ASF1B: variants seen among roughly 807,000 people sequenced by gnomAD.
The protein encoded by ASF1B is histone chaperone ASF1B.
ASF1B carries 10 observed loss-of-function variants against 16.6 expected under a neutral mutation model. The ratio of observed to expected loss-of-function variants is 0.60; its 90% CI spans 0.37 to 1.02. The LOEUF (loss-of-function observed/expected upper bound fraction) is 1.02, where lower values mean the gene tolerates loss of function less well. Among genes scored for constraint, ASF1B ranks in the 50% least tolerant of loss-of-function variants. The probability of loss-of-function intolerance (pLI) is 0.01; values close to 1 mark genes in which losing one functional copy is unlikely to be tolerated. For missense variants in ASF1B, 240 were observed against 266.0 expected, an observed-to-expected ratio of 0.90 and a Z score of 0.68; for synonymous variants, 101 against 106.2, an observed-to-expected ratio of 0.95 and a Z score of 0.30.
chr19:14,129,953 T>C (rs916059276), intron 1 of ASF1B, among the ~76,000 whole-genome samples: 1 of 148,776 alleles, frequency 6.7e-6, no homozygotes, highest in Non-Finnish European at 1.5e-5. Flanking sequence ...TGCAGTGAAC[T>C]GAGATCGTGC....
chr19:14,120,630 C>T lies in ASF1B; in HGVS notation c.438G>A (p.Val146=), dbSNP rs141700566. The change falls in exon 4 of 4, where the codon GTG becomes GTA. Residue 146 remains valine, a synonymous_variant. Transcript: ENST00000263382. ...QRNILASNPR[V]TRFHINWDNN... is the part of the protein sequence containing the mutation. ...TGTCCCAGTTGATATGGAAGCGGGT[C>T]ACCCGGGGGTTCGAGGCCAAGATGT... 6.2e-6 allele frequency: 10 copies of T among 1,613,956 alleles called. No homozygotes were observed. Among genetic ancestry groups the T allele is most frequent in the African/African-American group, 1.3e-5 (1 of 74,874 alleles).
intron 1 of ASF1B, among the ~76,000 whole-genome samples, chr19:14,127,447 G>A (rs941136674): frequency 2.6e-5 from 4 of 152,168 alleles, no homozygotes; most frequent in East Asian, 1.9e-4. Flanking sequence ...GCCACTCAAC[G>A]AAGTGGATCC....
At chr19:14,129,595 T>C (rs1967367281) in intron 1 of ASF1B, among the ~76,000 whole-genome samples, 2 of 140,176 alleles carry the variant, frequency 1.4e-5, no homozygotes, top group Non-Finnish European at 3.0e-5. Context: ...TAAGAACTGC[T>C]TGAACCTGGG....
Position 14,136,420 on chromosome 19 carries a change from C to T in ASF1B, c.37G>A (p.Glu13Lys). The change falls in exon 1 of 4, where the codon GAG becomes AAG. Residue 13 changes from glutamate (E) to lysine (K), a missense_variant. Transcript: ENST00000263382. ...KVSVLNVAVL[E>K]NPSPFHSPFR... is the part of the protein sequence containing the mutation. ...GGGCTGTGGAAAGGGCTCGGGTTCT[C>T]CAGGACCGCCACGTTCAGCACCGAC... The T allele has an allele frequency of 1.2e-6, 2 of 1,613,788 alleles. No individual in the cohort carries two copies.
At chr19:14,121,374 A>T (rs1290152973) in intron 3 of ASF1B, 158 bp downstream of exon 3, 1 of 768,126 alleles carries the variant, frequency 1.3e-6, no homozygotes, top group Non-Finnish European at 2.0e-6. Context: ...CCTTTGAGAG[A>T]CAAAGGTCTT....
chr19:14,125,594 C>T (rs1156935479), intron 2 of ASF1B, among the ~76,000 whole-genome samples: 5 of 152,178 alleles, frequency 3.3e-5, no homozygotes, highest in African/African-American at 7.2e-5. Flanking sequence ...TTACTGTTGC[C>T]CAGGCTGGAG....
At chr19:14,129,294 AGGCACAGG>A (rs1042300251) in intron 1 of ASF1B, among the ~76,000 whole-genome samples, 12 of 152,086 alleles carry the variant, frequency 7.9e-5, no homozygotes, top group African/African-American at 2.9e-4. Flanking sequence ...GTTGACTGTC[AGGCACAGG>A]GGCTGAAATG....
rs988175320 is a variant in ASF1B, at chr19:14,120,694, T to C, written c.403-29A>G. On this transcript the variant is annotated intron_variant, in intron 3 of 3. Transcript: ENST00000263382. The stretch of plus-strand genomic sequence containing the variant: ...GGGCAGGAAGAGGAACGTCAACCCT[T>C]GTAGGTACGCCCTCTCCTTGGTCCC... 4 of 1,609,212 alleles carry C rather than the reference T, an allele frequency of 2.5e-6. No homozygotes were observed. The African/African-American group carries it at 5.3e-5, about 22-fold the overall frequency.
At chr19:14,123,695 A>G (rs1449233626) in intron 2 of ASF1B, among the ~76,000 whole-genome samples, 1 of 151,608 alleles carries the variant, frequency 6.6e-6, no homozygotes, top group Non-Finnish European at 1.5e-5. Flanking sequence ...TTTTAAAGAG[A>G]TAGCTTTTCC....
At chr19:14,135,859 G>A (rs1967486249) in intron 1 of ASF1B, among the ~76,000 whole-genome samples, 2 of 152,038 alleles carry the variant, frequency 1.3e-5, no homozygotes, top group African/African-American at 2.4e-5. Flanking sequence ...GCAAAAATGG[G>A]TGGGTGGTTG....
At chr19:14,129,678 CAAAAAAAAAAAAAAAAAAAA>C (rs549023648) in intron 1 of ASF1B, among the ~76,000 whole-genome samples, 52 of 34,628 alleles carry the variant, frequency 1.5e-3, no homozygotes, top group African/African-American at 6.0e-3. Context: ...CAGCCTCCGT[CAAAAAAAAAAAAAAAAAAAA>C]AAAAAAAAAA....
chr19:14,120,689 A>C (rs548895792), intron 3 of ASF1B, 24 bp from the exon 4 acceptor site: 1 of 1,611,782 alleles, frequency 6.2e-7, no homozygotes, highest in Admixed American at 1.7e-5. Flanking sequence ...AGGAACGTCA[A>C]CCCTTGTAGG....
At chr19:14,123,378 C>CT (rs74181857) in intron 2 of ASF1B, among the ~76,000 whole-genome samples, 2,173 of 119,742 alleles carry the variant, frequency 0.018, 35 homozygotes, top group African/African-American at 0.026. Flanking sequence ...TTTCTTTCTT[C>CT]TTTTTTTTTT....
chr19:14,121,391 C>G, intron 3 of ASF1B, 141 bp downstream of exon 3: 1 of 924,598 alleles, frequency 1.1e-6, no homozygotes, highest in Non-Finnish European at 1.6e-6. Flanking sequence ...TCTTTTTCTC[C>G]TCTTCTAACA....
intron 3 of ASF1B, chr19:14,121,197 T>G: frequency 2.4e-6 from 1 of 417,590 alleles, no homozygotes; most frequent in Non-Finnish European, 4.2e-6. Context: ...CTGAGCTCAC[T>G]GCAGCCTCAA....
intron 1 of ASF1B, among the ~76,000 whole-genome samples, chr19:14,135,351 C>T (rs748670836): frequency 6.6e-6 from 1 of 152,126 alleles, no homozygotes; most frequent in Non-Finnish European, 1.5e-5. Flanking sequence ...GGCTATGCCA[C>T]CCCTCGGATC....
intron 3 of ASF1B, among the ~76,000 whole-genome samples, chr19:14,120,992 C>T (rs8102866): frequency 0.054 from 8,175 of 151,958 alleles, 720 homozygotes; most frequent in African/African-American, 0.19. Flanking sequence ...GGCTCATTTT[C>T]GTATTTTTAG....
chr19:14,126,104 A>C lies in ASF1B; in HGVS notation c.225+18T>G. On this transcript the variant is annotated intron_variant, in intron 2 of 3. Coordinates refer to ENST00000263382, the MANE Select transcript of ASF1B (RefSeq NM_018154.3). ...TCTAGGAATCAAGGGCTAAGGCCTA[A>C]GGCCTCATCTTTCTTACCTGAAAGA... 5 of 1,557,846 alleles carry C rather than the reference A, an allele frequency of 3.2e-6. No individual in the cohort carries two copies. The highest frequency in any genetic ancestry group is 4.4e-6 in the Non-Finnish European group (5 of 1,144,094).
At chr19:14,127,704 T>C (rs1967339901) in intron 1 of ASF1B, among the ~76,000 whole-genome samples, 1 of 150,460 alleles carries the variant, frequency 6.6e-6, no homozygotes, top group Non-Finnish European at 1.5e-5. Context: ...TGGTGAGATC[T>C]CGGCTCACTG....
Sources: allele counts gnomAD v4.1 joint callset (sites outside exome capture counted in the v4.1 genomes callset), GRCh38; gene constraint gnomAD v4.1.1; transcripts MANE v1.5; gene names NCBI Gene and HGNC (gene_info 2026-07-23, HGNC 2026-07-21).